Variants in TRIM37 observed in about 807,000 individuals in gnomAD.
TRIM37 encodes E3 ubiquitin-protein ligase TRIM37.
TRIM37 carries 80 observed loss-of-function variants against 129.8 expected under a neutral mutation model. The ratio of observed to expected loss-of-function variants is 0.62; its 90% CI spans 0.51 to 0.74. The LOEUF (loss-of-function observed/expected upper bound fraction) is 0.74, where lower values mean the gene tolerates loss of function less well. Among genes scored for constraint, TRIM37 ranks in the 30% least tolerant of loss-of-function variants. The pLI is 0.00. For synonymous variants in TRIM37, 389 were observed against 387.1 expected (o/e 1.00, Z -0.06); for missense variants, 1,054 against 1,176.5 (o/e 0.90, Z 1.52).
chr17:59,081,936 CCAAAA>C (rs1438175362), intron 5 of TRIM37, among the ~76,000 whole-genome samples: 23 of 50,244 alleles, frequency 4.6e-4, no homozygotes, highest in African/African-American at 2.6e-3. Flanking sequence ...ATAATAAAAA[CCAAAA>C]AAAAAAAAAA....
rs759998973 is a variant in TRIM37 at position 59,012,309 on chromosome 17, T to C, written c.2695+19A>G. On this transcript the variant is annotated intron_variant, in intron 22 of 23. Transcript: ENST00000262294. ...AGAATTCTCATTTCCTGCTTACTTA[T>C]AAGTTTATCATTCCTTACCTTCTTC... is the stretch of plus-strand genomic sequence containing the variant. 1 of 1,534,322 alleles carries C rather than the reference T, an allele frequency of 6.5e-7. No homozygotes were observed. Among genetic ancestry groups the C allele is most frequent in the Non-Finnish European group, 9.0e-7 (1 of 1,111,816 alleles).
In TRIM37 at chr17:59,063,053, G is replaced by A. The variant is rs183259767; in HGVS notation, c.861-405C>T. Among the ~76,000 whole-genome samples, 12 of 152,194 alleles carry A rather than the reference G, an allele frequency of 7.9e-5. No homozygotes were observed. The East Asian group carries it at 2.3e-3, about 29-fold the overall frequency. On this transcript the variant is annotated intron_variant, in intron 10 of 23. Coordinates refer to ENST00000262294, the MANE Select transcript of TRIM37 (RefSeq NM_015294.6). Reference sequence around the variant, plus strand: ...ATCATCTTTTAATATTGAAGAACAAGAGTACACTAAACCTTAATACGTGTG... The same window carrying A: ...ATCATCTTTTAATATTGAAGAACAAAAGTACACTAAACCTTAATACGTGTG...
At chr17:59,036,514 G>A (rs1451108280) in intron 17 of TRIM37, among the ~76,000 whole-genome samples, 2 of 148,296 alleles carry the variant, frequency 1.3e-5, no homozygotes, top group Non-Finnish European at 3.0e-5. Context: ...ACAGGGTCTT[G>A]CTCTGTCACC....
At chr17:59,056,571 T>G (rs2040893149) in intron 13 of TRIM37, among the ~76,000 whole-genome samples, 1 of 150,694 alleles carries the variant, frequency 6.6e-6, no homozygotes. Flanking sequence ...CTACTAAAAA[T>G]AGTAAAAAAT....
In TRIM37 at chr17:59,096,846, T is replaced by C. The variant is rs953496861; in HGVS notation, c.124-5506A>G. On this transcript the variant is annotated intron_variant, in intron 2 of 23. Transcript: ENST00000262294. The stretch of plus-strand genomic sequence containing the variant: ...ATATGTGGTCTGGGAGTTTAAGATA[T>C]TTACTAGAGAAATTGTGCTAGGGAA... 6.6e-5 allele frequency among the ~76,000 whole-genome samples: 10 copies of C among 152,176 alleles called. No individual in the cohort carries two copies. In the East Asian group the frequency reaches 1.9e-3, roughly 29 times the overall value.
the TRIM37 span, among the ~76,000 whole-genome samples, chr17:58,975,794 A>G: frequency 6.6e-6 from 1 of 152,130 alleles, no homozygotes; most frequent in Non-Finnish European, 1.5e-5. Flanking sequence ...TGTATTTATA[A>G]AGATATTTGT....
chr17:59,046,785 C>T (rs550183439), intron 16 of TRIM37, among the ~76,000 whole-genome samples: 1 of 151,032 alleles, frequency 6.6e-6, no homozygotes, highest in African/African-American at 2.4e-5. Context: ...CGTGATCCAC[C>T]CGCCTCAGCC....
At chr17:58,976,838 A>G in the TRIM37 span, among the ~76,000 whole-genome samples, 6 of 152,166 alleles carry the variant, frequency 3.9e-5, no homozygotes, top group African/African-American at 1.4e-4. Context: ...CACTAAAACA[A>G]GATTTTTGGG....
chr17:59,013,989 A>G (rs575122965), intron 21 of TRIM37, among the ~76,000 whole-genome samples: 2 of 151,874 alleles, frequency 1.3e-5, no homozygotes, highest in East Asian at 1.9e-4. Context: ...ACACTCTAGA[A>G]AAAAAAAAAC....
chr17:59,065,127 T>C (rs2041827774), intron 9 of TRIM37, among the ~76,000 whole-genome samples: 1 of 152,098 alleles, frequency 6.6e-6, no homozygotes, highest in Non-Finnish European at 1.5e-5. Context: ...ACACATTATA[T>C]AATTATTAAA....
intron 13 of TRIM37, among the ~76,000 whole-genome samples, chr17:59,054,313 T>G (rs2040624074): frequency 6.6e-6 from 1 of 152,192 alleles, no homozygotes; most frequent in Non-Finnish European, 1.5e-5. Flanking sequence ...TGTTTTTTGT[T>G]TTTTTAAGAT....
At chr17:59,080,177 G>A (rs942588904) in intron 6 of TRIM37, among the ~76,000 whole-genome samples, 1 of 152,098 alleles carries the variant, frequency 6.6e-6, no homozygotes, top group Non-Finnish European at 1.5e-5. Context: ...GTTAGGAAAT[G>A]GTCCATAAAC....
intron 22 of TRIM37, among the ~76,000 whole-genome samples, chr17:59,005,518 T>G (rs1398363003): frequency 3.3e-5 from 5 of 152,116 alleles, no homozygotes; most frequent in African/African-American, 4.8e-5. Context: ...CTCCTGACCT[T>G]GTGATCTACC....
intron 16 of TRIM37, among the ~76,000 whole-genome samples, chr17:59,043,529 G>A (rs903596394): frequency 2.0e-5 from 3 of 152,178 alleles, no homozygotes; most frequent in African/African-American, 7.2e-5. Context: ...TCCAAGAGGA[G>A]GGCTATATTC....
At chr17:59,052,370 C>T (rs1330972130) in intron 13 of TRIM37, among the ~76,000 whole-genome samples, 1 of 152,168 alleles carries the variant, frequency 6.6e-6, no homozygotes, top group Non-Finnish European at 1.5e-5. Flanking sequence ...TGGACATCTA[C>T]ATCTCTCTCA....
At chr17:59,025,798 G>A (rs1440658622) in intron 19 of TRIM37, among the ~76,000 whole-genome samples, 3 of 152,142 alleles carry the variant, frequency 2.0e-5, no homozygotes, top group African/African-American at 7.2e-5. Flanking sequence ...AAGGCTTTTT[G>A]AGAAAGTCCA....
At chr17:59,044,614 C>T (rs2039583732) in intron 16 of TRIM37, among the ~76,000 whole-genome samples, 1 of 152,056 alleles carries the variant, frequency 6.6e-6, no homozygotes, top group African/African-American at 2.4e-5. Context: ...AGACATTTTC[C>T]CCTTGTCATT....
chr17:59,097,842 A>G (rs1050279949), intron 2 of TRIM37, among the ~76,000 whole-genome samples: 2 of 152,266 alleles, frequency 1.3e-5, no homozygotes, highest in African/African-American at 2.4e-5. Flanking sequence ...TTCAAGGATC[A>G]TAAGATTTAA....
At chr17:59,041,669 A>C (rs1245565989) in intron 17 of TRIM37, 144 bp downstream of exon 17, 1 of 642,876 alleles carries the variant, frequency 1.6e-6, no homozygotes, top group East Asian at 2.9e-5. Context: ...ATAAACTCTA[A>C]AAAATCCATA....
Sources: gnomAD v4.1 joint callset for allele counts (sites outside exome capture counted in the v4.1 genomes callset) on GRCh38, gnomAD v4.1.1 for gene constraint, MANE v1.5 for transcripts, NCBI Gene and HGNC (gene_info 2026-07-23, HGNC 2026-07-21) for gene names.